The following ANKRD46 variants were observed in gnomAD, a reference collection of about 807,000 sequenced individuals.
ANKRD46 encodes the protein ankyrin repeat domain 46, also known as ankyrin repeat domain-containing protein 46.
In ANKRD46, 13 loss-of-function variants were observed where a neutral mutation model predicts 19.8. The observed-to-expected ratio is 0.66, with a 90% confidence interval of 0.43 to 1.04. The LOEUF is 1.04. ANKRD46 is among the 50% of genes least tolerant of loss of function. The pLI is 0.00. For synonymous variants in ANKRD46, 91 were observed against 106.9 expected (o/e 0.85, Z 0.92); for missense variants, 185 against 274.8 (o/e 0.67, Z 2.31).
In ANKRD46 at chr8:100,510,231, T is replaced by A. The variant is rs958109525; in HGVS notation, c.*346A>T. 4.1e-6 allele frequency: 1 copy of A among 246,618 alleles called. No homozygotes were observed. The allele number at this position is 246,618 out of a possible 1,614,324, so 15.3% of individuals were successfully genotyped here. On this transcript the variant is annotated 3_prime_UTR_variant, in exon 6 of 6. Coordinates refer to the ANKRD46 transcript ENST00000520552. This position sits in a 1 kb window ranked among gnomAD's most constrained non-coding sequence, Gnocchi z 4.9. ...CATGACATCACCCGCCTGGGAGTTG[T>A]CATTTCAGACACCACGGCAGCCTTT...
intron 1 of ANKRD46, chr8:100,551,323 T>C: frequency 3.6e-6 from 2 of 551,238 alleles, no homozygotes; most frequent in Non-Finnish European, 6.8e-6. Flanking sequence ...ATGCCCATTA[T>C]GAATATGGGG....
chr8:100,521,731 C>G lies in ANKRD46; in HGVS notation c.*824G>C. The G allele has an allele frequency of 1.0e-6, 1 of 985,256 alleles. No individual in the cohort carries two copies. The highest frequency in any genetic ancestry group is 1.2e-6 in the Non-Finnish European group (1 of 829,780). The allele number at this position is 985,256 out of a possible 1,614,324, so 61.0% of individuals were successfully genotyped here. On this transcript the variant is annotated 3_prime_UTR_variant, in exon 5 of 5. Coordinates refer to ENST00000335659, the MANE Select transcript of ANKRD46 (RefSeq NM_001270377.2). Reference sequence around the variant, plus strand: ...CTATAATAGCACTACAGAATTATGACAGTTAAATATCAGAATTATTTTTCC... The same window carrying G: ...CTATAATAGCACTACAGAATTATGAGAGTTAAATATCAGAATTATTTTTCC...
intron 3 of ANKRD46, among the ~76,000 whole-genome samples, chr8:100,528,462 C>T (rs1026940854): frequency 6.6e-5 from 10 of 151,362 alleles, no homozygotes; most frequent in African/African-American, 2.4e-4. Context: ...AAAGTAAAAC[C>T]CAGAGCTGAG....
At position 100,536,690 on chromosome 8, in the gene ANKRD46, C is replaced by A. The variant is rs1438193562; in HGVS notation, c.-130-3379G>T. On this transcript the variant is annotated intron_variant, in intron 1 of 4. Coordinates refer to ENST00000335659, the MANE Select transcript of ANKRD46 (RefSeq NM_001270377.2). This position sits in a 1 kb window ranked among gnomAD's most constrained non-coding sequence, Gnocchi z 4.9. The stretch of plus-strand genomic sequence containing the variant: ...CCACATAGTCTAGTGCAAGAACAGT[C>A]AATATGGGAATAACCACGCCCCAGA... Among the ~76,000 whole-genome samples, 1 of 152,274 alleles carries A rather than the reference C, an allele frequency of 6.6e-6. No homozygotes were observed. The highest frequency in any genetic ancestry group is 1.9e-4 in the East Asian group (1 of 5,176).
At chr8:100,516,205 A>G (rs1232874062), downstream of ANKRD46, among the ~76,000 whole-genome samples, 2 of 152,190 alleles carry the variant, frequency 1.3e-5, no homozygotes. Flanking sequence ...GGCTTCATTC[A>G]AATGATTCAT....
At chr8:100,518,547 T>C (rs887558162), downstream of ANKRD46, among the ~76,000 whole-genome samples, 8 of 152,132 alleles carry the variant, frequency 5.3e-5, no homozygotes, top group African/African-American at 1.7e-4. Context: ...GGAAAATTCA[T>C]GATACATTAA....
chr8:100,520,747 A>AAG, downstream of ANKRD46: 1 of 950,856 alleles, frequency 1.1e-6, no homozygotes, highest in Non-Finnish European at 1.3e-6. Context: ...ACACTAAAAA[A>AAG]AAAAAAAAAA....
Position 100,534,400 on chromosome 8 carries a change from T to C in ANKRD46, c.-130-1089A>G, listed in dbSNP as rs1214690167. 2.0e-5 allele frequency among the ~76,000 whole-genome samples: 3 copies of C among 152,222 alleles called. No individual in the cohort carries two copies. Among genetic ancestry groups the C allele is most frequent in the African/African-American group, 7.2e-5 (3 of 41,456 alleles). On this transcript the variant is annotated intron_variant, in intron 1 of 4. Transcript: ENST00000335659. This position sits in a 1 kb window ranked among gnomAD's most constrained non-coding sequence, Gnocchi z 4.2. ...ACACACAAAACATCTACGCTCCTCATTTCCTACTTCTTTTGTGATACCACA... is the reference window on the plus strand; with the variant it reads ...ACACACAAAACATCTACGCTCCTCACTTCCTACTTCTTTTGTGATACCACA...
At position 100,532,341 on chromosome 8, in the gene ANKRD46, C is replaced by T. The variant is rs770869391; in HGVS notation, c.-28+868G>A. On this transcript the variant is annotated intron_variant, in intron 2 of 4. Coordinates refer to ENST00000335659, the MANE Select transcript of ANKRD46 (RefSeq NM_001270377.2). The surrounding 1 kb of genome is among the most constrained non-coding windows in gnomAD (Gnocchi z 4.7). ...AAAATTAGCCAGGCATGGTGGCGCG[C>T]GCCTTTCGTCCCACCTGTTCGGGAC... 1.3e-5 allele frequency: 2 copies of T among 152,000 alleles called. No individual in the cohort carries two copies. Among genetic ancestry groups the T allele is most frequent in the Admixed American group, 6.6e-5 (1 of 15,266 alleles). 9.4% of individuals were successfully genotyped at this position (152,000 alleles called of 1,614,324 possible).
At chr8:100,540,020 T>C (rs1314074056) in intron 1 of ANKRD46, among the ~76,000 whole-genome samples, 1 of 152,248 alleles carries the variant, frequency 6.6e-6, no homozygotes, top group Admixed American at 6.5e-5. Context: ...CTGTTTGTTA[T>C]GTCTGGTATT....
At chr8:100,548,927 C>T (rs1812326016) in intron 1 of ANKRD46, among the ~76,000 whole-genome samples, 1 of 151,986 alleles carries the variant, frequency 6.6e-6, no homozygotes, top group African/African-American at 2.4e-5. Flanking sequence ...GTTGACTCCT[C>T]CCATAAGCAG....
rs1283663144 is a variant in ANKRD46, at chr8:100,545,237, A to T, written c.-130-11926T>A. 6.6e-6 allele frequency among the ~76,000 whole-genome samples: 1 copy of T among 152,042 alleles called. No homozygotes were observed. Among genetic ancestry groups the T allele is most frequent in the Non-Finnish European group, 1.5e-5 (1 of 68,000 alleles). On this transcript the variant is annotated intron_variant, in intron 1 of 4. Coordinates refer to ENST00000335659, the MANE Select transcript of ANKRD46 (RefSeq NM_001270377.2). This position sits in a 1 kb window ranked among gnomAD's most constrained non-coding sequence, Gnocchi z 4.7. ...CTACTCGGGAGGCTGAGGTGGGAGGATAGTGATTTAATTTGGCTTTGTGTC... is the reference window on the plus strand; with the variant it reads ...CTACTCGGGAGGCTGAGGTGGGAGGTTAGTGATTTAATTTGGCTTTGTGTC...
At chr8:100,542,716 C>A (rs925460121) in intron 1 of ANKRD46, among the ~76,000 whole-genome samples, 4 of 151,902 alleles carry the variant, frequency 2.6e-5, no homozygotes, top group African/African-American at 7.3e-5. Context: ...GGTTTTCTAG[C>A]CTAGTTCATG....
rs1282106667 is a variant in ANKRD46, at chr8:100,521,670, T to C, written c.*885A>G. On this transcript the variant is annotated 3_prime_UTR_variant, in exon 5 of 5. Transcript: ENST00000335659. Reference sequence around the variant, plus strand: ...ATAATTATGAACTATGATAAAACTGTGACAACACAGCTAGCTTATAGAACT... The same window carrying C: ...ATAATTATGAACTATGATAAAACTGCGACAACACAGCTAGCTTATAGAACT... 4 of 985,308 alleles carry C rather than the reference T, an allele frequency of 4.1e-6. No homozygotes were observed. Among genetic ancestry groups the C allele is most frequent in the Admixed American group, 6.1e-5 (1 of 16,266 alleles). 61.0% of individuals were successfully genotyped at this position (985,308 alleles called of 1,614,324 possible).
At chr8:100,533,988 T>G (rs1812014087) in intron 1 of ANKRD46, among the ~76,000 whole-genome samples, 1 of 152,192 alleles carries the variant, frequency 6.6e-6, no homozygotes, top group African/African-American at 2.4e-5. Flanking sequence ...CACTCAGCTC[T>G]TCTCTGGAAG....
At chr8:100,547,780 C>A (rs1812302368) in intron 1 of ANKRD46, among the ~76,000 whole-genome samples, 2 of 152,178 alleles carry the variant, frequency 1.3e-5, no homozygotes, top group South Asian at 4.1e-4. Context: ...GACACAAAGG[C>A]CTGTCAGTTC....
chr8:100,521,183 C>T lies in ANKRD46; in HGVS notation c.*1372G>A. On this transcript the variant is annotated 3_prime_UTR_variant, in exon 5 of 5. Coordinates refer to ENST00000335659, the MANE Select transcript of ANKRD46 (RefSeq NM_001270377.2). Reference sequence around the variant, plus strand: ...AGCCTCAATACTAGATACATAGATACAAGAGAAAATACCAAGAAGCAAAAA... The same window carrying T: ...AGCCTCAATACTAGATACATAGATATAAGAGAAAATACCAAGAAGCAAAAA... The T allele has an allele frequency of 2.0e-6, 2 of 984,920 alleles. No individual in the cohort carries two copies. The highest frequency in any genetic ancestry group is 2.4e-6 in the Non-Finnish European group (2 of 829,864). 61.0% of individuals were successfully genotyped at this position (984,920 alleles called of 1,614,324 possible).
At chr8:100,551,555 C>G in intron 1 of ANKRD46, 1 of 774,820 alleles carries the variant, frequency 1.3e-6, no homozygotes, top group Non-Finnish European at 2.2e-6. Flanking sequence ...GTGGAATTTG[C>G]CATGGGTAGA....
chr8:100,527,839 C>T lies in ANKRD46; in HGVS notation c.470+6G>A. On this transcript the variant is annotated splice_donor_region_variant and intron_variant, in intron 4 of 4. Coordinates refer to ENST00000335659, the MANE Select transcript of ANKRD46 (RefSeq NM_001270377.2). The surrounding 1 kb of genome is among the most constrained non-coding windows in gnomAD (Gnocchi z 4.0). ...AGTGAGAAAAAAAAAGTTGTATCTC[C>T]AGTACCTTTCACTCTCAGCTGTTTG... 6.2e-7 allele frequency: 1 copy of T among 1,611,142 alleles called. No homozygotes were observed.
Sources: allele counts gnomAD v4.1 joint callset (sites outside exome capture counted in the v4.1 genomes callset), GRCh38; gene constraint gnomAD v4.1.1; non-coding constraint Gnocchi (gnomAD v3.1); transcripts MANE v1.5; gene names NCBI Gene and HGNC (gene_info 2026-07-23, HGNC 2026-07-21).